Variants in SLC24A2 observed in about 807,000 individuals in gnomAD.
SLC24A2 encodes the protein solute carrier family 24 member 2.
SLC24A2 carries 36 observed loss-of-function variants against 62.0 expected under a neutral mutation model. That is an observed-to-expected ratio of 0.58 (90% confidence interval 0.44 to 0.77). The LOEUF is 0.77. SLC24A2 is among the 30% of genes least tolerant of loss of function. The pLI is 0.00. For synonymous variants in SLC24A2, 358 were observed against 294.0 expected (o/e 1.22, Z -2.23); for missense variants, 846 against 817.9 (o/e 1.03, Z -0.42).
At chr9:19,556,914 T>C (rs1235523004) in intron 7 of SLC24A2, among the ~76,000 whole-genome samples, 1 of 152,188 alleles carries the variant, frequency 6.6e-6, no homozygotes, top group East Asian at 1.9e-4. Context: ...ATTAATCATA[T>C]GGACAATAAT....
chr9:19,771,141 G>C (rs965692301), intron 2 of SLC24A2, among the ~76,000 whole-genome samples: 1 of 152,192 alleles, frequency 6.6e-6, no homozygotes, highest in African/African-American at 2.4e-5. Flanking sequence ...ATTATGCAAT[G>C]AGCATAACTG....
chr9:19,546,369 T>C (rs949079055), intron 8 of SLC24A2, among the ~76,000 whole-genome samples: 4 of 152,172 alleles, frequency 2.6e-5, no homozygotes, highest in Non-Finnish European at 5.9e-5. Context: ...CCTTTTTTTT[T>C]CAGTGATGCC....
At chr9:19,934,404 G>C in the SLC24A2 span, among the ~76,000 whole-genome samples, 1 of 152,102 alleles carries the variant, frequency 6.6e-6, no homozygotes, top group East Asian at 1.9e-4. The surrounding 1 kb of genome is among the most constrained non-coding windows in gnomAD (Gnocchi z 4.1). Context: ...GCCCTGCACC[G>C]GTGTGAGAGT....
chr9:19,515,168 T>C lies in SLC24A2; in HGVS notation c.*985A>G, dbSNP rs1030374140. On this transcript the variant is annotated 3_prime_UTR_variant, in exon 11 of 11. Transcript: ENST00000341998. ...TGGAAAAATACAGGTTCAGTTTATA[T>C]AGTCTTGCTGTCCTAGAAAAAGCAC... The C allele has an allele frequency of 2.0e-5, 3 of 152,290 alleles. No individual in the cohort carries two copies. The highest frequency in any genetic ancestry group is 7.2e-5 in the African/African-American group (3 of 41,564). The allele number at this position is 152,290 out of a possible 1,614,324, so 9.4% of individuals were successfully genotyped here. A position where few individuals can be genotyped will look rare whatever the true frequency, so the allele number is the denominator to read the frequency against.
At chr9:20,017,324 C>G in the SLC24A2 span, among the ~76,000 whole-genome samples, 2 of 152,004 alleles carry the variant, frequency 1.3e-5, no homozygotes, top group East Asian at 3.9e-4. Context: ...CGCCTGGCCC[C>G]AAAATAAATT....
chr9:20,150,758 A>C, the SLC24A2 span, among the ~76,000 whole-genome samples: 1 of 151,888 alleles, frequency 6.6e-6, no homozygotes, highest in African/African-American at 2.4e-5. Context: ...AAAGTTATAC[A>C]ACTATTTAAA....
the SLC24A2 span, among the ~76,000 whole-genome samples, chr9:20,140,782 C>T: frequency 6.6e-6 from 1 of 152,164 alleles, no homozygotes; most frequent in Non-Finnish European, 1.5e-5. Context: ...TTGGACAATA[C>T]ATTATGATTA....
the SLC24A2 span, among the ~76,000 whole-genome samples, chr9:20,085,103 C>G: frequency 6.6e-6 from 1 of 152,288 alleles, no homozygotes; most frequent in South Asian, 2.1e-4. Context: ...TCAAACAGTA[C>G]TCCCACCTCA....
At chr9:19,575,350 G>C (rs987227295) in intron 6 of SLC24A2, among the ~76,000 whole-genome samples, 10 of 152,186 alleles carry the variant, frequency 6.6e-5, no homozygotes, top group Middle Eastern at 3.4e-3. Context: ...TAAAACCTTA[G>C]GATTAGCCTG....
chr9:20,049,516 C>T, the SLC24A2 span, among the ~76,000 whole-genome samples: 3 of 152,050 alleles, frequency 2.0e-5, no homozygotes, highest in African/African-American at 7.2e-5. Flanking sequence ...CCTCTAAATA[C>T]GAACACTGAC....
chr9:20,173,910 G>C, the SLC24A2 span, among the ~76,000 whole-genome samples: 1 of 151,896 alleles, frequency 6.6e-6, no homozygotes, highest in Non-Finnish European at 1.5e-5. Flanking sequence ...TAAGCAAAAA[G>C]AACAAAACTG....
chr9:19,831,737 G>A, the SLC24A2 span, among the ~76,000 whole-genome samples: 1 of 152,114 alleles, frequency 6.6e-6, no homozygotes, highest in Admixed American at 6.6e-5. Flanking sequence ...AAAATCTCAA[G>A]CCTTCACCAT....
At chr9:19,788,140 T>G (rs981500525) in intron 1 of SLC24A2, among the ~76,000 whole-genome samples, 4 of 152,240 alleles carry the variant, frequency 2.6e-5, no homozygotes, top group Non-Finnish European at 5.9e-5. Flanking sequence ...ATACTGAGAT[T>G]AGCTGGAGCT....
the SLC24A2 span, among the ~76,000 whole-genome samples, chr9:19,996,740 C>T: frequency 6.8e-4 from 89 of 130,366 alleles, no homozygotes; most frequent in African/African-American, 1.2e-3. Flanking sequence ...AGTGAGACTC[C>T]GTCTCAAAAA....
intron 8 of SLC24A2, among the ~76,000 whole-genome samples, chr9:19,549,425 C>A (rs1196349254): frequency 2.0e-5 from 3 of 152,202 alleles, no homozygotes; most frequent in Non-Finnish European, 4.4e-5. Context: ...GTCAATAGGG[C>A]ATAGCAGAAG....
At chr9:20,090,367 G>C in the SLC24A2 span, among the ~76,000 whole-genome samples, 1 of 152,336 alleles carries the variant, frequency 6.6e-6, no homozygotes, top group South Asian at 2.1e-4. Context: ...CCCCAGAGCT[G>C]TCGTGGGTAG....
At chr9:20,274,053 C>A in the SLC24A2 span, among the ~76,000 whole-genome samples, 24 of 152,338 alleles carry the variant, frequency 1.6e-4, no homozygotes, top group Admixed American at 5.2e-4. Flanking sequence ...TGTCTCCACT[C>A]ATTCAATCAC....
intron 7 of SLC24A2, among the ~76,000 whole-genome samples, chr9:19,567,664 A>C (rs984140838): frequency 4.0e-5 from 6 of 149,724 alleles, no homozygotes; most frequent in African/African-American, 1.5e-4. Context: ...CATACTAAGT[A>C]AATGCTAGTA....
intron 2 of SLC24A2, among the ~76,000 whole-genome samples, chr9:19,656,020 C>T (rs942788338): frequency 8.5e-5 from 13 of 152,104 alleles, no homozygotes; most frequent in Admixed American, 1.3e-4. Context: ...CACTGTCTCC[C>T]GGTTGGATTT....
Sources: gnomAD v4.1 joint callset for allele counts (sites outside exome capture counted in the v4.1 genomes callset) on GRCh38, gnomAD v4.1.1 for gene constraint, Gnocchi (gnomAD v3.1) non-coding constraint, MANE v1.5 for transcripts, NCBI Gene and HGNC (gene_info 2026-07-23, HGNC 2026-07-21) for gene names.